The following SLCO2B1 variants were observed in gnomAD, a reference collection of about 807,000 sequenced individuals.
SLCO2B1 encodes the protein OATP-RP2.
SLCO2B1 carries 41 observed loss-of-function variants against 67.3 expected under a neutral mutation model. The observed-to-expected ratio is 0.61, with a 90% CI of 0.47 to 0.79. The LOEUF (loss-of-function observed/expected upper bound fraction) is 0.79. SLCO2B1 is among the 30% of genes least tolerant of loss of function. SLCO2B1 has a pLI of 0.00. For missense variants in SLCO2B1, 837 were observed against 920.1 expected (o/e 0.91, Z 1.17); for synonymous variants, 379 against 381.4 (o/e 0.99, Z 0.07).
chr11:75,156,018 G>C (rs1949742643), intron 1 of SLCO2B1, among the ~76,000 whole-genome samples: 1 of 152,108 alleles, frequency 6.6e-6, no homozygotes, highest in Non-Finnish European at 1.5e-5. Context: ...TTGGGGAGGG[G>C]CTAACCATTG....
chr11:75,169,865 C>A (rs1455513428), intron 6 of SLCO2B1, 101 bp downstream of exon 6: 1 of 911,966 alleles, frequency 1.1e-6, no homozygotes, highest in South Asian at 1.4e-5. Context: ...CCTAGCAGCA[C>A]CACTGACCTT....
chr11:75,196,445 G>A (rs1945097313), intron 9 of SLCO2B1, 69 bp from the exon 10 acceptor site: 13 of 1,513,762 alleles, frequency 8.6e-6, no homozygotes, highest in Admixed American at 7.4e-5. Flanking sequence ...CTACAGGGCC[G>A]AGGATGCCCC....
chr11:75,168,541 G>C (rs1195461520), intron 4 of SLCO2B1, among the ~76,000 whole-genome samples: 1 of 152,314 alleles, frequency 6.6e-6, no homozygotes, highest in African/African-American at 2.4e-5. Flanking sequence ...ATTCTTTTCT[G>C]TACTCTGCAT....
At chr11:75,191,425 TAA>T (rs1945021482) in intron 8 of SLCO2B1, among the ~76,000 whole-genome samples, 1 of 152,142 alleles carries the variant, frequency 6.6e-6, no homozygotes, top group Non-Finnish European at 1.5e-5. Flanking sequence ...TAATGCTAGT[TAA>T]ATGCATGGTG....
chr11:75,204,024 C>T (rs1007228366), intron 13 of SLCO2B1: 5 of 165,342 alleles, frequency 3.0e-5, no homozygotes, highest in African/African-American at 1.2e-4. Flanking sequence ...CCACAGGGGG[C>T]TTCCTAGAAA....
rs752503707 is a variant in SLCO2B1, at chr11:75,162,718, A to G, written c.80A>G (p.Asn27Ser). 1.9e-6 allele frequency: 3 copies of G among 1,542,508 alleles called. No individual in the cohort carries two copies. In the South Asian group the frequency reaches 3.6e-5, roughly 18 times the overall value. The change falls in exon 2 of 14, where the codon AAC becomes AGC. Residue 27 changes from asparagine (N) to serine (S), a missense_variant. Coordinates refer to ENST00000289575, the MANE Select transcript of SLCO2B1 (RefSeq NM_007256.5). ...ACCAAAGCCACAATGGGCACAGAAA[A>G]CACACCTGGAGGCAAAGCCAGCCCA... Reference protein sequence around the residue: ...KETKATMGTENTPGGKASPDP... With the variant: ...KETKATMGTESTPGGKASPDP...
In SLCO2B1 at chr11:75,200,420, T is replaced by C. The variant is rs747363489; in HGVS notation, c.1763+33T>C. On this transcript the variant is annotated intron_variant, in intron 11 of 13. Coordinates refer to ENST00000289575, the MANE Select transcript of SLCO2B1 (RefSeq NM_007256.5). Reference sequence around the variant, plus strand: ...TGGGGGTGGGGCAGGGGCAGGTGGATACCAGGAGGTCCTTAACCACAGGCA... The same window carrying C: ...TGGGGGTGGGGCAGGGGCAGGTGGACACCAGGAGGTCCTTAACCACAGGCA... The C allele has an allele frequency of 5.2e-6, 8 of 1,547,378 alleles. No individual in the cohort carries two copies. In the South Asian group the frequency reaches 8.5e-5, roughly 16 times the overall value.
At chr11:75,176,411 C>T (rs998791457) in intron 7 of SLCO2B1, among the ~76,000 whole-genome samples, 1 of 152,152 alleles carries the variant, frequency 6.6e-6, no homozygotes, top group East Asian at 1.9e-4. Context: ...CCATAGAGAC[C>T]AGGAGTCTGT....
intron 12 of SLCO2B1, 162 bp from the exon 13 acceptor site, chr11:75,203,145 G>T: frequency 1.7e-6 from 2 of 1,191,870 alleles, no homozygotes; most frequent in Admixed American, 4.1e-5. Context: ...AGTCTAGACA[G>T]CCCGTCAGGA....
In SLCO2B1 at chr11:75,195,867, C is replaced by T. The variant is rs78801164; in HGVS notation, c.1434-647C>T. ...CTGCCCTCCTCCCAGGGTGACCTCC[C>T]CCTCAGACTAAGCCTCCCTCTGACA... On this transcript the variant is annotated intron_variant, in intron 9 of 13. Transcript: ENST00000289575. Among the ~76,000 whole-genome samples the T allele has an allele frequency of 3.3e-5, 5 of 152,334 alleles. No homozygotes were observed. The East Asian group carries it at 7.7e-4, about 24-fold the overall frequency.
chr11:75,203,222 G>C, intron 12 of SLCO2B1, 85 bp from the exon 13 acceptor site: 1 of 1,541,746 alleles, frequency 6.5e-7, no homozygotes, highest in South Asian at 1.2e-5. Flanking sequence ...CAGTAACCCA[G>C]AGCCCCTGAG....
At chr11:75,181,173 T>G (rs1031246522) in intron 7 of SLCO2B1, among the ~76,000 whole-genome samples, 8 of 152,006 alleles carry the variant, frequency 5.3e-5, no homozygotes, top group African/African-American at 1.7e-4. Context: ...GCTCGAGACC[T>G]GCCTGGCCAA....
intron 3 of SLCO2B1, 151 bp downstream of exon 3, chr11:75,164,251 A>T: frequency 1.2e-6 from 1 of 837,630 alleles, no homozygotes; most frequent in Non-Finnish European, 1.8e-6. Context: ...GAAACCTCAG[A>T]GCGTTTGCAG....
At chr11:75,178,588 A>T (rs1008913122) in intron 7 of SLCO2B1, among the ~76,000 whole-genome samples, 4 of 152,188 alleles carry the variant, frequency 2.6e-5, no homozygotes, top group Non-Finnish European at 4.4e-5. Flanking sequence ...GAGTGGATAA[A>T]TCAAGCTGTT....
At chr11:75,151,724 T>G in intron 1 of SLCO2B1, 1 of 428,026 alleles carries the variant, frequency 2.3e-6, no homozygotes, top group South Asian at 3.6e-5. Flanking sequence ...GAGACAAAGA[T>G]AGAGACAGAC....
intron 8 of SLCO2B1, among the ~76,000 whole-genome samples, chr11:75,190,709 A>G (rs1041419396): frequency 3.9e-5 from 6 of 152,154 alleles, no homozygotes; most frequent in African/African-American, 1.2e-4. Context: ...GGAAGCCCCT[A>G]CCTAATTGGA....
At chr11:75,185,957 C>T (rs1191293958) in intron 7 of SLCO2B1, among the ~76,000 whole-genome samples, 1 of 152,176 alleles carries the variant, frequency 6.6e-6, no homozygotes, top group African/African-American at 2.4e-5. Flanking sequence ...TCAGGACACT[C>T]CTAAGTCTGG....
chr11:75,192,530 G>A (rs1385135963), intron 8 of SLCO2B1, among the ~76,000 whole-genome samples: 1 of 152,098 alleles, frequency 6.6e-6, no homozygotes, highest in Non-Finnish European at 1.5e-5. Flanking sequence ...AAAAGCTGTA[G>A]CAGGACAGGA....
At chr11:75,179,218 ATTTTTT>A (rs373993870) in intron 7 of SLCO2B1, among the ~76,000 whole-genome samples, 67 of 66,680 alleles carry the variant, frequency 1.0e-3, no homozygotes, top group African/African-American at 3.6e-3. Flanking sequence ...GATACATGAG[ATTTTTT>A]TTTTTTTTTT....
Sources: gnomAD v4.1 joint callset for allele counts (sites outside exome capture counted in the v4.1 genomes callset) on GRCh38, gnomAD v4.1.1 for gene constraint, MANE v1.5 for transcripts, NCBI Gene and HGNC (gene_info 2026-07-23, HGNC 2026-07-21) for gene names.